The following LRRC4C variants were observed in gnomAD, a reference collection of about 807,000 sequenced individuals.
LRRC4C encodes leucine-rich repeat-containing protein 4C.
In LRRC4C, 5 loss-of-function variants were observed where a neutral mutation model predicts 33.6. That is an observed-to-expected ratio of 0.15 (90% confidence interval 0.08 to 0.31). The LOEUF is 0.31. LRRC4C is among the 10% of genes least tolerant of loss of function. LRRC4C has a pLI of 1.00. For synonymous variants in LRRC4C, 329 were observed against 302.0 expected (o/e 1.09, Z -0.93); for missense variants, 560 against 796.7 (o/e 0.70, Z 3.58).
chr11:41,164,923 C>A (rs1369881156), intron 1 of LRRC4C, among the ~76,000 whole-genome samples: 1 of 152,116 alleles, frequency 6.6e-6, no homozygotes, highest in African/African-American at 2.4e-5. Context: ...TGGAATGTGT[C>A]TAGACTTGCT....
chr11:41,375,240 T>C (rs891421997), intron 1 of LRRC4C, among the ~76,000 whole-genome samples: 3 of 152,112 alleles, frequency 2.0e-5, no homozygotes, highest in African/African-American at 7.2e-5. Flanking sequence ...ATTATATATA[T>C]TTAAACATTT....
chr11:40,785,022 T>A (rs1371646410), intron 2 of LRRC4C, among the ~76,000 whole-genome samples: 1 of 152,206 alleles, frequency 6.6e-6, no homozygotes, highest in Non-Finnish European at 1.5e-5. Flanking sequence ...ACGAGTTTCA[T>A]AATGATAAAG....
intron 3 of LRRC4C, among the ~76,000 whole-genome samples, chr11:40,568,595 T>C (rs1426540596): frequency 2.0e-5 from 3 of 152,120 alleles, no homozygotes; most frequent in African/African-American, 7.2e-5. Flanking sequence ...ATTGGGGCCA[T>C]GCATCAGATT....
At chr11:40,811,719 A>G (rs563112354) in intron 2 of LRRC4C, among the ~76,000 whole-genome samples, 1 of 152,134 alleles carries the variant, frequency 6.6e-6, no homozygotes, top group East Asian at 1.9e-4. Flanking sequence ...CTGGTCTCAA[A>G]CTCTGAGCTC....
At chr11:40,664,826 C>T (rs1459344719) in intron 2 of LRRC4C, among the ~76,000 whole-genome samples, 1 of 151,912 alleles carries the variant, frequency 6.6e-6, no homozygotes, top group Admixed American at 6.6e-5. Context: ...GCACAACACG[C>T]ATGTTTTTTA....
At chr11:40,664,754 TG>T (rs2136229086) in intron 2 of LRRC4C, among the ~76,000 whole-genome samples, 1 of 152,048 alleles carries the variant, frequency 6.6e-6, no homozygotes, top group South Asian at 2.1e-4. Flanking sequence ...TAACATAATG[TG>T]GTTCTGTTTT....
At chr11:41,059,546 T>C (rs1858911297) in intron 1 of LRRC4C, among the ~76,000 whole-genome samples, 1 of 152,250 alleles carries the variant, frequency 6.6e-6, no homozygotes, top group African/African-American at 2.4e-5. Flanking sequence ...TATAGGAGTT[T>C]CTTCTTCTTT....
chr11:40,895,580 T>C (rs1955903519), intron 2 of LRRC4C, among the ~76,000 whole-genome samples: 1 of 152,172 alleles, frequency 6.6e-6, no homozygotes, highest in Non-Finnish European at 1.5e-5. Flanking sequence ...TCTTCTGTTT[T>C]AAAAGGTATT....
At chr11:41,362,760 T>C (rs1304244172) in intron 1 of LRRC4C, among the ~76,000 whole-genome samples, 2 of 152,102 alleles carry the variant, frequency 1.3e-5, no homozygotes, top group Non-Finnish European at 2.9e-5. Flanking sequence ...TGTCCTTGTT[T>C]TATCCAGCTT....
At chr11:40,827,740 G>T (rs572023022) in intron 2 of LRRC4C, among the ~76,000 whole-genome samples, 4 of 151,872 alleles carry the variant, frequency 2.6e-5, no homozygotes, top group African/African-American at 7.2e-5. Flanking sequence ...ATGTATGGGT[G>T]CATGTGTGTA....
intron 3 of LRRC4C, among the ~76,000 whole-genome samples, chr11:40,522,174 C>T (rs1199524941): frequency 6.6e-6 from 1 of 152,158 alleles, no homozygotes; most frequent in Non-Finnish European, 1.5e-5. Flanking sequence ...AAAGCACATG[C>T]CACCATGCCT....
intron 3 of LRRC4C, among the ~76,000 whole-genome samples, chr11:40,563,395 T>C (rs1957631088): frequency 6.6e-6 from 1 of 152,074 alleles, no homozygotes; most frequent in Non-Finnish European, 1.5e-5. Context: ...AGTGAGATGA[T>C]TCAAACACTG....
intron 3 of LRRC4C, among the ~76,000 whole-genome samples, chr11:40,547,596 A>C (rs894264180): frequency 1.3e-5 from 2 of 152,080 alleles, no homozygotes; most frequent in African/African-American, 4.8e-5. Flanking sequence ...TACCTTTTTC[A>C]AAAAGATGAA....
chr11:41,155,901 C>A (rs1309308527), intron 1 of LRRC4C, among the ~76,000 whole-genome samples: 1 of 152,012 alleles, frequency 6.6e-6, no homozygotes, highest in Non-Finnish European at 1.5e-5. Context: ...TTGTACATAT[C>A]CATTTCAGGA....
intron 3 of LRRC4C, among the ~76,000 whole-genome samples, chr11:40,475,278 A>G (rs1724600061): frequency 6.6e-6 from 1 of 152,206 alleles, no homozygotes; most frequent in African/African-American, 2.4e-5. Flanking sequence ...GCCATAAAAA[A>G]GGAAAAGTTC....
chr11:41,260,197 AAATACGT>A (rs978913100), intron 1 of LRRC4C, among the ~76,000 whole-genome samples: 1 of 152,008 alleles, frequency 6.6e-6, no homozygotes, highest in Admixed American at 6.6e-5. Flanking sequence ...TCTTTCCCCA[AAATACGT>A]AATGCAAAGA....
chr11:41,211,802 T>C (rs1355153484), intron 1 of LRRC4C, among the ~76,000 whole-genome samples: 1 of 152,216 alleles, frequency 6.6e-6, no homozygotes, highest in Non-Finnish European at 1.5e-5. Context: ...CGTGCTCATG[T>C]GTCTTTATAG....
chr11:41,022,314 G>A (rs1215496459), intron 1 of LRRC4C, among the ~76,000 whole-genome samples: 1 of 151,066 alleles, frequency 6.6e-6, no homozygotes, highest in African/African-American at 2.4e-5. Flanking sequence ...TTTAAAAAAA[G>A]TGAACTTTAG....
chr11:41,286,085 T>C (rs111406990), intron 1 of LRRC4C, among the ~76,000 whole-genome samples: 8,769 of 152,194 alleles, frequency 0.058, 337 homozygotes, highest in Middle Eastern at 0.14. Flanking sequence ...CACCTAGGCC[T>C]CCCAAAGTGC....
Sources: gnomAD v4.1 joint callset for allele counts (sites outside exome capture counted in the v4.1 genomes callset) on GRCh38, gnomAD v4.1.1 for gene constraint, MANE v1.5 for transcripts, NCBI Gene and HGNC (gene_info 2026-07-23, HGNC 2026-07-21) for gene names.